STON2: variants seen among roughly 807,000 people sequenced by gnomAD.
The protein encoded by STON2 is stonin 2.
STON2 carries 29 observed loss-of-function variants against 65.7 expected under a neutral mutation model. That is an observed-to-expected ratio of 0.44 (90% confidence interval 0.33 to 0.60). The LOEUF (loss-of-function observed/expected upper bound fraction) is 0.60, where lower values mean the gene tolerates loss of function less well. Among genes scored for constraint, STON2 ranks in the 20% least tolerant of loss-of-function variants. STON2 has a pLI of 0.03. For missense variants in STON2, 1,054 were observed against 1,118.1 expected (o/e 0.94, Z 0.82); for synonymous variants, 404 against 414.2 (o/e 0.98, Z 0.30).
At chr14:81,350,743 A>G (rs1792531061) in intron 4 of STON2, among the ~76,000 whole-genome samples, 2 of 152,208 alleles carry the variant, frequency 1.3e-5, no homozygotes, top group African/African-American at 2.4e-5. Flanking sequence ...TCTAAAACCA[A>G]ATAAGAAGAC....
At chr14:81,270,428 C>T (rs972797727) in intron 7 of STON2, 2 of 1,432,386 alleles carry the variant, frequency 1.4e-6, no homozygotes, top group Non-Finnish European at 1.8e-6. Context: ...GACAGAAAGA[C>T]ATTATATTCT....
intron 4 of STON2, among the ~76,000 whole-genome samples, chr14:81,356,668 T>G (rs1341701631): frequency 6.6e-6 from 1 of 152,210 alleles, no homozygotes; most frequent in Non-Finnish European, 1.5e-5. Flanking sequence ...AGCTATTGAT[T>G]ATTGCCACAA....
At chr14:81,300,958 A>G (rs898443016) in intron 5 of STON2, among the ~76,000 whole-genome samples, 1 of 152,204 alleles carries the variant, frequency 6.6e-6, no homozygotes, top group Non-Finnish European at 1.5e-5. Flanking sequence ...TGAATAAGCA[A>G]AGAGTATCAT....
chr14:81,288,028 C>T (rs577959161), intron 5 of STON2, among the ~76,000 whole-genome samples: 9 of 152,294 alleles, frequency 5.9e-5, no homozygotes, highest in South Asian at 4.1e-4. Flanking sequence ...TAGATTCTGG[C>T]ATCTATGGTA....
chr14:81,312,975 TA>T (rs1230772536), intron 5 of STON2, among the ~76,000 whole-genome samples: 14 of 152,376 alleles, frequency 9.2e-5, no homozygotes, highest in African/African-American at 2.9e-4. Context: ...ACAGGCAAAC[TA>T]ATTAAAAGGG....
chr14:81,360,652 A>G (rs987861210), intron 4 of STON2, among the ~76,000 whole-genome samples: 8 of 152,190 alleles, frequency 5.3e-5, no homozygotes, highest in African/African-American at 1.9e-4. Context: ...TCTATTCAAC[A>G]TAGTATTGAA....
Position 81,371,133 on chromosome 14 carries a change from C to G in STON2, c.426G>C (p.Gly142=), listed in dbSNP as rs1484832931. The G allele has an allele frequency of 1.9e-6, 3 of 1,614,128 alleles. No homozygotes were observed. In the Admixed American group the frequency reaches 5.0e-5, roughly 27 times the overall value. ...TGCTCTCAGAAGTCAGAGGGCATCTCCCCAGGGAGTCAAAGGAAGGGCATG... is the reference window on the plus strand; with the variant it reads ...TGCTCTCAGAAGTCAGAGGGCATCTGCCCAGGGAGTCAAAGGAAGGGCATG... ...CWTCPSFDSL[G]RCPLTSESSW... The change falls in exon 4 of 8, where the codon GGG becomes GGC. Residue 142 remains glycine, a synonymous_variant. Coordinates refer to ENST00000614646, the MANE Select transcript of STON2 (RefSeq NM_001394390.1).
chr14:81,313,185 T>C (rs963973348), intron 5 of STON2, among the ~76,000 whole-genome samples: 5 of 152,178 alleles, frequency 3.3e-5, no homozygotes, highest in Non-Finnish European at 7.4e-5. Context: ...AAAACCTATC[T>C]AGTGATTAGA....
Position 81,264,535 on chromosome 14 carries a change from AC to A in STON2, c.*3878del. 5.1e-6 allele frequency: 5 copies of A among 984,776 alleles called. No homozygotes were observed. The highest frequency in any genetic ancestry group is 6.0e-6 in the Non-Finnish European group (5 of 829,310). The allele number at this position is 984,776 out of a possible 1,614,324, so 61.0% of individuals were successfully genotyped here. On this transcript the variant is annotated 3_prime_UTR_variant, in exon 8 of 8. Coordinates refer to ENST00000614646, the MANE Select transcript of STON2 (RefSeq NM_001394390.1). Reference sequence around the variant, plus strand: ...AAGCTTTGTGCTAGGTGTTGGAAACACAAAAAATTATATATAGTCCTTGCCT... The same window carrying A: ...AAGCTTTGTGCTAGGTGTTGGAAACAAAAAAATTATATATAGTCCTTGCCT...
intron 1 of STON2, among the ~76,000 whole-genome samples, chr14:81,428,823 G>GT (rs1015016005): frequency 3.3e-5 from 5 of 152,080 alleles, no homozygotes; most frequent in African/African-American, 9.7e-5. Flanking sequence ...ATCCCATTTG[G>GT]TTTTTTTAAA....
chr14:81,317,668 T>C (rs1329838347), intron 5 of STON2, among the ~76,000 whole-genome samples: 1 of 152,204 alleles, frequency 6.6e-6, no homozygotes, highest in Non-Finnish European at 1.5e-5. Flanking sequence ...TGGGCTCGGC[T>C]ATGGGAAAAG....
chr14:81,328,064 T>C (rs1027122894), intron 4 of STON2, among the ~76,000 whole-genome samples: 1 of 152,210 alleles, frequency 6.6e-6, no homozygotes, highest in Non-Finnish European at 1.5e-5. Flanking sequence ...GCAAAGAGTA[T>C]GTTTCAGTGT....
intron 4 of STON2, among the ~76,000 whole-genome samples, chr14:81,331,114 C>T (rs886452202): frequency 6.6e-6 from 1 of 152,192 alleles, no homozygotes; most frequent in Non-Finnish European, 1.5e-5. Flanking sequence ...TGTGTGTGCA[C>T]GTGCAGTGGC....
At chr14:81,433,018 A>G (rs1902279428) in intron 1 of STON2, among the ~76,000 whole-genome samples, 2 of 152,218 alleles carry the variant, frequency 1.3e-5, no homozygotes, top group South Asian at 4.1e-4. Flanking sequence ...CAGGCCCCAG[A>G]CCAGACTGAC....
intron 4 of STON2, among the ~76,000 whole-genome samples, chr14:81,370,722 A>C (rs1167231761): frequency 2.0e-5 from 3 of 152,246 alleles, no homozygotes; most frequent in Non-Finnish European, 4.4e-5. Flanking sequence ...TATTTATACC[A>C]AACAGTCAGA....
intron 7 of STON2, among the ~76,000 whole-genome samples, chr14:81,269,021 C>T (rs1052401096): frequency 2.0e-5 from 3 of 152,034 alleles, no homozygotes; most frequent in Non-Finnish European, 4.4e-5. Context: ...TTTTTTGAGA[C>T]AGGGTCTCAT....
intron 3 of STON2, among the ~76,000 whole-genome samples, chr14:81,390,653 C>A (rs1181381048): frequency 6.6e-6 from 1 of 152,248 alleles, no homozygotes; most frequent in Non-Finnish European, 1.5e-5. Flanking sequence ...CTAATTCAGA[C>A]TGACTCATTC....
chr14:81,404,913 T>C (rs940110102), upstream of STON2, among the ~76,000 whole-genome samples: 5 of 152,242 alleles, frequency 3.3e-5, no homozygotes, highest in Non-Finnish European at 5.9e-5. Context: ...TTTCCTTCAG[T>C]ATTTTGCCTT....
intron 4 of STON2, among the ~76,000 whole-genome samples, chr14:81,334,763 G>C (rs1048647064): frequency 6.6e-6 from 1 of 152,188 alleles, no homozygotes; most frequent in African/African-American, 2.4e-5. Flanking sequence ...CAGGGAAAGA[G>C]AAATGTCCTA....
Sources: gnomAD v4.1 joint callset for allele counts (sites outside exome capture counted in the v4.1 genomes callset) on GRCh38, gnomAD v4.1.1 for gene constraint, MANE v1.5 for transcripts, NCBI Gene and HGNC (gene_info 2026-07-23, HGNC 2026-07-21) for gene names.